Variants in FHOD3 observed in about 807,000 individuals in gnomAD.
FHOD3 encodes the protein formin homology 2 domain containing 3.
FHOD3 carries 90 observed loss-of-function variants against 173.0 expected under a neutral mutation model. The observed-to-expected ratio is 0.52, with a 90% CI of 0.44 to 0.62. The LOEUF is 0.62. Ranked by LOEUF, FHOD3 falls within the 20% of genes least tolerant of loss-of-function variation. FHOD3 has a pLI of 0.00. For missense variants in FHOD3, 1,945 were observed against 2,034.7 expected (o/e 0.96, Z 0.85); for synonymous variants, 828 against 823.0 (o/e 1.01, Z -0.10).
intron 24 of FHOD3, among the ~76,000 whole-genome samples, chr18:36,748,623 G>C (rs985165780): frequency 1.3e-5 from 2 of 152,080 alleles, no homozygotes; most frequent in African/African-American, 4.8e-5. Context: ...CCCAGATGAT[G>C]GCTGCTCCCG....
intron 24 of FHOD3, among the ~76,000 whole-genome samples, chr18:36,754,506 GCTT>G (rs1451348094): frequency 4.6e-5 from 7 of 151,686 alleles, no homozygotes; most frequent in Non-Finnish European, 4.4e-5. Context: ...TTTATTTTCT[GCTT>G]CTTTGGTGTT....
chr18:36,325,129 G>C (rs1482564262), intron 1 of FHOD3, among the ~76,000 whole-genome samples: 1 of 152,042 alleles, frequency 6.6e-6, no homozygotes, highest in Non-Finnish European at 1.5e-5. Flanking sequence ...AAACTAATTT[G>C]TAATTTTCTA....
intron 3 of FHOD3, among the ~76,000 whole-genome samples, chr18:36,463,275 T>C (rs2052670642): frequency 7.3e-6 from 1 of 137,652 alleles, no homozygotes; most frequent in Admixed American, 7.7e-5. Flanking sequence ...TTGTAGGCTG[T>C]GACAAGCATT....
At chr18:36,589,875 C>T (rs1387657198) in intron 6 of FHOD3, among the ~76,000 whole-genome samples, 1 of 152,164 alleles carries the variant, frequency 6.6e-6, no homozygotes, top group African/African-American at 2.4e-5. Flanking sequence ...CAATTGATTT[C>T]TCTCGGTGCT....
At chr18:36,311,102 G>C (rs1201032853) in intron 1 of FHOD3, among the ~76,000 whole-genome samples, 1 of 152,154 alleles carries the variant, frequency 6.6e-6, no homozygotes, top group Non-Finnish European at 1.5e-5. Context: ...AAGAGAATTG[G>C]GGCAAAGAAG....
At chr18:36,569,116 A>G (rs987170324) in intron 5 of FHOD3, among the ~76,000 whole-genome samples, 8 of 152,196 alleles carry the variant, frequency 5.3e-5, no homozygotes, top group African/African-American at 1.9e-4. Context: ...GAAATGATAG[A>G]CCTTAAATAA....
rs79543768 is a variant in FHOD3, at chr18:36,347,173, A to T, written c.166-8366A>T. On this transcript the variant is annotated intron_variant, in intron 1 of 28. Transcript: ENST00000590592. ...AATCCTGAAACATAGTGTTGATACG[A>T]TTTTCAACTTGAATAAAGTGAAACG... Among the ~76,000 whole-genome samples, 1,087 of 152,352 alleles carry T rather than the reference A, an allele frequency of 7.1e-3. 12 individuals are homozygous for T. The highest frequency in any genetic ancestry group is 0.025 in the African/African-American group (1,048 of 41,592).
At chr18:36,301,664 C>T (rs2091959314) in intron 1 of FHOD3, among the ~76,000 whole-genome samples, 5 of 152,126 alleles carry the variant, frequency 3.3e-5, no homozygotes, top group Admixed American at 3.3e-4. Flanking sequence ...TATAGGAGTT[C>T]TAATTTAGAA....
At chr18:36,603,875 C>T (rs1377212624) in intron 8 of FHOD3, among the ~76,000 whole-genome samples, 3 of 152,156 alleles carry the variant, frequency 2.0e-5, no homozygotes, top group Non-Finnish European at 4.4e-5. Context: ...GAAAATTGTT[C>T]ACATGTCAGG....
intron 1 of FHOD3, among the ~76,000 whole-genome samples, chr18:36,322,715 G>C (rs2044461475): frequency 6.6e-6 from 1 of 152,174 alleles, no homozygotes; most frequent in African/African-American, 2.4e-5. Context: ...TTTCTGTCCA[G>C]TCTTGTCCCT....
rs2056343976 is a variant in FHOD3 at position 36,522,951 on chromosome 18, T to G, written c.511+10408T>G. Among the ~76,000 whole-genome samples, 5 of 152,244 alleles carry G rather than the reference T, an allele frequency of 3.3e-5. No homozygotes were observed. The South Asian group carries it at 1.0e-3, about 31-fold the overall frequency. On this transcript the variant is annotated intron_variant, in intron 5 of 28. Transcript: ENST00000590592. Reference sequence around the variant, plus strand: ...TTCAACCTCATTATCTTGTCGTCTTTGCTTTCTTTACCCTGCCTCTTCTAT... The same window carrying G: ...TTCAACCTCATTATCTTGTCGTCTTGGCTTTCTTTACCCTGCCTCTTCTAT...
chr18:36,429,044 C>A (rs746942797), intron 3 of FHOD3, among the ~76,000 whole-genome samples: 1 of 152,192 alleles, frequency 6.6e-6, no homozygotes, highest in Non-Finnish European at 1.5e-5. Context: ...TAGAGGTACC[C>A]TCTACTGCCT....
rs201824593 is a variant in FHOD3 at position 36,769,348 on chromosome 18, G to A, written c.4708G>A (p.Val1570Ile). The stretch of plus-strand genomic sequence containing the variant: ...AGCTGATGAGATCATGGACCGCATC[G>A]TCAAGTCAGCCACCCAAGTGCCCAG... ...DAADEIMDRIVKSATQVPSQR... is the reference protein window; with the variant it reads ...DAADEIMDRIIKSATQVPSQR... Residue 1570 changes from valine (V) to isoleucine (I), a missense_variant, in exon 28 of 29, where the codon GTC becomes ATC. By Grantham distance (29) the Val-to-Ile change is conservative. Coordinates refer to ENST00000590592, the MANE Select transcript of FHOD3 (RefSeq NM_001281740.3). The A allele has an allele frequency of 4.6e-4, 743 of 1,614,158 alleles. 5 individuals carry two copies. The South Asian group carries it at 5.1e-3, about 11-fold the overall frequency.
chr18:36,542,171 A>T (rs1051699295), intron 5 of FHOD3, among the ~76,000 whole-genome samples: 5 of 152,208 alleles, frequency 3.3e-5, no homozygotes, highest in Non-Finnish European at 7.3e-5. Flanking sequence ...GAGAGTGAGT[A>T]CCATCTTTGT....
intron 28 of FHOD3, among the ~76,000 whole-genome samples, chr18:36,776,080 T>C (rs1016556735): frequency 2.6e-5 from 4 of 152,116 alleles, no homozygotes; most frequent in Admixed American, 2.6e-4. Context: ...GCCTCTCTAC[T>C]GGGTGGCAGA....
At chr18:36,422,406 G>A (rs1258023883) in intron 3 of FHOD3, among the ~76,000 whole-genome samples, 2 of 152,136 alleles carry the variant, frequency 1.3e-5, no homozygotes, top group African/African-American at 4.8e-5. Flanking sequence ...TTAGTCTGCT[G>A]TCTATTCTTG....
At chr18:36,705,205 G>GC (rs145928828) in intron 17 of FHOD3, among the ~76,000 whole-genome samples, 40 of 152,202 alleles carry the variant, frequency 2.6e-4, no homozygotes, top group African/African-American at 9.1e-4. Flanking sequence ...TCAACACACA[G>GC]CGCTGGTTGC....
At chr18:36,696,196 A>G (rs1451851698) in intron 17 of FHOD3, among the ~76,000 whole-genome samples, 1 of 152,144 alleles carries the variant, frequency 6.6e-6, no homozygotes, top group East Asian at 1.9e-4. Flanking sequence ...CTGGGAGTGT[A>G]ATTAGTGTTC....
chr18:36,392,321 C>T (rs2048339903), intron 3 of FHOD3, among the ~76,000 whole-genome samples: 1 of 152,164 alleles, frequency 6.6e-6, no homozygotes, highest in Non-Finnish European at 1.5e-5. Flanking sequence ...CTTAATATAT[C>T]TATATGAATA....
Sources: gnomAD v4.1 joint callset for allele counts (sites outside exome capture counted in the v4.1 genomes callset) on GRCh38, gnomAD v4.1.1 for gene constraint, MANE v1.5 for transcripts, NCBI Gene and HGNC (gene_info 2026-07-23, HGNC 2026-07-21) for gene names.